Variants in NRXN2 observed in about 807,000 individuals in gnomAD.
The protein encoded by NRXN2 is neurexin-2-beta.
Under a neutral mutation model 128.8 loss-of-function variants are expected in NRXN2, and 29 were observed. That is an observed-to-expected ratio of 0.23 (90% confidence interval 0.17 to 0.31). The LOEUF is 0.31. Among genes scored for constraint, NRXN2 ranks in the 10% least tolerant of loss-of-function variants. The pLI is 1.00. For missense variants in NRXN2, 1,881 were observed against 2,452.6 expected (o/e 0.77, Z 4.92); for synonymous variants, 1,098 against 1,075.2 (o/e 1.02, Z -0.41).
intron 2 of NRXN2, among the ~76,000 whole-genome samples, chr11:64,706,713 T>C (rs2056369838): frequency 6.6e-6 from 1 of 152,160 alleles, no homozygotes; most frequent in African/African-American, 2.4e-5. Context: ...GTCCATGCCT[T>C]TGCTCATATC....
chr11:64,655,030 A>T (rs1022492049), intron 11 of NRXN2, among the ~76,000 whole-genome samples: 1 of 152,184 alleles, frequency 6.6e-6, no homozygotes, highest in Non-Finnish European at 1.5e-5. Flanking sequence ...TGACAGGCCC[A>T]ATACCCTGGC....
intron 1 of NRXN2, among the ~76,000 whole-genome samples, chr11:64,719,319 A>G (rs1461331657): frequency 6.6e-6 from 1 of 152,226 alleles, no homozygotes; most frequent in African/African-American, 2.4e-5. Flanking sequence ...CAAATCATAA[A>G]TGGCAGAGCT....
In NRXN2 at chr11:64,697,737, C is replaced by T. The variant is rs747018557; in HGVS notation, c.748+38G>A. 8 of 1,612,944 alleles carry T rather than the reference C, an allele frequency of 5.0e-6. 1 individual carries two copies. The highest frequency in any genetic ancestry group is 4.4e-5 in the South Asian group (4 of 91,014). ...CCCTCATGTAGGATCCCCATGGCAA[C>T]AGATCCACTACCCCAGTGACAGAGA... On this transcript the variant is annotated intron_variant, in intron 3 of 22. Coordinates refer to ENST00000265459, the MANE Select transcript of NRXN2 (RefSeq NM_015080.4).
rs769945564 is a variant in NRXN2 at position 64,607,703 on chromosome 11, C to T, written c.4632G>A (p.Thr1544=). ...GGGCAAACAGCACCCCAGGGGCGCC[C>T]GTGGCCCCATCTGTCCTGAGGTTGG... ...PRPNLRTDGA[T]GAPGVLFAPS... The change falls in exon 23 of 23, where the codon ACG becomes ACA. Residue 1544 remains threonine, a synonymous_variant. Transcript: ENST00000265459. 8 of 1,546,608 alleles carry T rather than the reference C, an allele frequency of 5.2e-6. No homozygotes were observed. In the Admixed American group the frequency reaches 1.2e-4, roughly 23 times the overall value.
At chr11:64,629,465 T>C (rs532769185) in intron 19 of NRXN2, among the ~76,000 whole-genome samples, 3 of 152,336 alleles carry the variant, frequency 2.0e-5, no homozygotes, top group South Asian at 4.1e-4. Flanking sequence ...TATAGTTCAG[T>C]GCTATTTCCA....
At chr11:64,672,645 A>G (rs2050785173) in intron 7 of NRXN2, among the ~76,000 whole-genome samples, 1 of 152,112 alleles carries the variant, frequency 6.6e-6, no homozygotes, top group African/African-American at 2.4e-5. Flanking sequence ...GGTGGTTAAG[A>G]GCAACTAGTC....
chr11:64,626,026 C>T lies in NRXN2; in HGVS notation c.3847+437G>A, dbSNP rs796384734. Among the ~76,000 whole-genome samples the T allele has an allele frequency of 2.6e-5, 4 of 152,304 alleles. No homozygotes were observed. The East Asian group carries it at 5.8e-4, about 22-fold the overall frequency. On this transcript the variant is annotated intron_variant, in intron 20 of 22. Transcript: ENST00000265459. The stretch of plus-strand genomic sequence containing the variant: ...CCTCCTCAGGTCAGCCTTCCTGCTT[C>T]CCAAAGGCTTCCTGCCTCTGCATGC...
chr11:64,668,088 G>A (rs2135512066), intron 8 of NRXN2, among the ~76,000 whole-genome samples: 2 of 152,346 alleles, frequency 1.3e-5, no homozygotes, highest in South Asian at 2.1e-4. Flanking sequence ...CACAGAGGAG[G>A]AAACTCAGCA....
chr11:64,609,029 G>C (rs1011073153), intron 22 of NRXN2, among the ~76,000 whole-genome samples: 4 of 152,120 alleles, frequency 2.6e-5, no homozygotes, highest in South Asian at 2.1e-4. Context: ...TGGGAGGTGA[G>C]GTGGCCCATG....
rs1165681310 is a variant in NRXN2, at chr11:64,606,306, G to T, written c.*890C>A. The T allele has an allele frequency of 6.6e-6, 1 of 152,566 alleles. No individual in the cohort carries two copies. The highest frequency in any genetic ancestry group is 2.4e-5 in the African/African-American group (1 of 41,462). The allele number at this position is 152,566 out of a possible 1,614,324, so 9.5% of individuals were successfully genotyped here. On this transcript the variant is annotated 3_prime_UTR_variant, in exon 23 of 23. Coordinates refer to ENST00000265459, the MANE Select transcript of NRXN2 (RefSeq NM_015080.4). ...GAGCAGGGAGCCCGTGGGCAAAGAAGTGACCCCAGCAGTCTGTGGACAATG... is the reference window on the plus strand; with the variant it reads ...GAGCAGGGAGCCCGTGGGCAAAGAATTGACCCCAGCAGTCTGTGGACAATG...
At chr11:64,661,246 C>T in intron 9 of NRXN2, 107 bp from the exon 10 acceptor site, 1 of 1,573,634 alleles carries the variant, frequency 6.4e-7, no homozygotes. Flanking sequence ...CCACCTTGTG[C>T]CCTGCAGCAG....
At chr11:64,612,744 T>C (rs558584773) in intron 22 of NRXN2, among the ~76,000 whole-genome samples, 1 of 152,352 alleles carries the variant, frequency 6.6e-6, no homozygotes, top group South Asian at 2.1e-4. Flanking sequence ...GTTGAGCATA[T>C]TCAAGACTAA....
chr11:64,670,014 T>C (rs1001036283), intron 7 of NRXN2, among the ~76,000 whole-genome samples: 1 of 151,860 alleles, frequency 6.6e-6, no homozygotes, highest in Non-Finnish European at 1.5e-5. Context: ...TCTCCAGGGG[T>C]CCATGGTCTC....
At chr11:64,677,141 C>T (rs2051448047) in intron 6 of NRXN2, 104 bp from the exon 7 acceptor site, 2 of 800,540 alleles carry the variant, frequency 2.5e-6, no homozygotes, top group Non-Finnish European at 4.1e-6. Flanking sequence ...AATAAAATGA[C>T]CAACTGTGAA....
chr11:64,713,584 GC>G lies in NRXN2; in HGVS notation c.115del (p.Ala39LeufsTer79). 1 of 1,370,166 alleles carries G rather than the reference GC, an allele frequency of 7.3e-7. No homozygotes were observed. Among genetic ancestry groups the G allele is most frequent in the Non-Finnish European group, 9.4e-7 (1 of 1,061,838 alleles). 84.9% of individuals were successfully genotyped at this position (1,370,166 alleles called of 1,614,324 possible). A position where few individuals can be genotyped will look rare whatever the true frequency, so the allele number is the denominator to read the frequency against. On this transcript the variant is annotated frameshift_variant, in exon 2 of 23. Coordinates refer to ENST00000265459, the MANE Select transcript of NRXN2 (RefSeq NM_015080.4). LOFTEE classifies it high-confidence loss of function. ...LEFGGGPGQW[A>X]RYARWAGAAS... ...CGCGCCCGCCCAGCGCGCGTAGCGA[GC>G]CCACTGCCCGGGGCCGCCGCCGAAC...
At position 64,668,308 on chromosome 11, in the gene NRXN2, A is replaced by G. The variant is rs1023790114; in HGVS notation, c.1359+135T>C. 5.2e-5 allele frequency: 58 copies of G among 1,125,292 alleles called. 1 individual carries two copies. In the Admixed American group the frequency reaches 7.3e-4, roughly 14 times the overall value. The allele number at this position is 1,125,292 out of a possible 1,614,324, so 69.7% of individuals were successfully genotyped here. ...GGAGTCAGTGGGCCTTAGGTTTTAA[A>G]GAGGGGGTGTCTCCCACCATGGACT... On this transcript the variant is annotated intron_variant, in intron 8 of 22. Coordinates refer to ENST00000265459, the MANE Select transcript of NRXN2 (RefSeq NM_015080.4).
At chr11:64,657,504 A>G (rs2048430670) in intron 11 of NRXN2, among the ~76,000 whole-genome samples, 1 of 152,140 alleles carries the variant, frequency 6.6e-6, no homozygotes, top group Admixed American at 6.5e-5. Flanking sequence ...GCATCTACAC[A>G]ATGGTTTCAA....
intron 5 of NRXN2, among the ~76,000 whole-genome samples, chr11:64,687,911 T>C (rs2053280453): frequency 6.6e-6 from 1 of 152,188 alleles, no homozygotes. Context: ...CGAAGCCTGC[T>C]GCCCAGGCAC....
intron 11 of NRXN2, among the ~76,000 whole-genome samples, chr11:64,656,384 C>T (rs139467845): frequency 3.3e-5 from 5 of 150,482 alleles, no homozygotes; most frequent in Admixed American, 1.3e-4. Flanking sequence ...GCAGAACTAA[C>T]GGGAATTTCA....
Sources: gnomAD v4.1 joint callset for allele counts (sites outside exome capture counted in the v4.1 genomes callset) on GRCh38, gnomAD v4.1.1 for gene constraint, MANE v1.5 for transcripts, NCBI Gene and HGNC (gene_info 2026-07-23, HGNC 2026-07-21) for gene names.